Variants in RETREG1 observed in about 807,000 individuals in gnomAD.
The protein encoded by RETREG1 is reticulophagy regulator 1, also known as family with sequence similarity 134 member B.
Under a neutral mutation model 54.8 loss-of-function variants are expected in RETREG1, and 44 were observed. The ratio of observed to expected loss-of-function variants is 0.80; its 90% CI spans 0.63 to 1.03. RETREG1 has a LOEUF of 1.03. Ranked by LOEUF, RETREG1 falls within the 50% of genes least tolerant of loss-of-function variation. The pLI is 0.00. For synonymous variants in RETREG1, 217 were observed against 238.5 expected (o/e 0.91, Z 0.83); for missense variants, 554 against 605.1 (o/e 0.92, Z 0.89).
At chr5:16,497,690 G>A (rs891907410) in intron 3 of RETREG1, among the ~76,000 whole-genome samples, 11 of 152,122 alleles carry the variant, frequency 7.2e-5, no homozygotes, top group South Asian at 2.1e-4. Flanking sequence ...TCCTCATCTC[G>A]GGATAGGCAT....
At chr5:16,541,322 A>G (rs944672633) in intron 3 of RETREG1, among the ~76,000 whole-genome samples, 4 of 152,200 alleles carry the variant, frequency 2.6e-5, no homozygotes, top group African/African-American at 7.2e-5. Context: ...GTATTTTGTT[A>G]CTGCAGCCCA....
chr5:16,486,457 A>G (rs573732078), intron 3 of RETREG1, among the ~76,000 whole-genome samples: 2 of 152,348 alleles, frequency 1.3e-5, no homozygotes, highest in Middle Eastern at 6.8e-3. Flanking sequence ...TTATGTCACC[A>G]CAGTTCAATT....
At chr5:16,496,742 G>A (rs905377980) in intron 3 of RETREG1, among the ~76,000 whole-genome samples, 2 of 152,144 alleles carry the variant, frequency 1.3e-5, no homozygotes, top group South Asian at 2.1e-4. Flanking sequence ...TGGAAACAAC[G>A]GGCACAAAGA....
chr5:16,592,021 A>G (rs951988906), intron 1 of RETREG1, among the ~76,000 whole-genome samples: 3 of 152,246 alleles, frequency 2.0e-5, no homozygotes, highest in African/African-American at 7.2e-5. Context: ...CTGGACTAGA[A>G]TAGAGTCTAC....
rs1380194626 is a variant in RETREG1 at position 16,510,803 on chromosome 5, G to GAAC, written c.459-27334_459-27332dup. On this transcript the variant is annotated intron_variant, in intron 3 of 8. Transcript: ENST00000306320. ...AGAACCTGTCTCGAAAAAACAACAA[G>GAAC]AACAACAACAACAACAAAAAAAAAA... 4.7e-3 allele frequency among the ~76,000 whole-genome samples: 347 copies of GAAC among 73,490 alleles called. 34 individuals carry two copies. The highest frequency in any genetic ancestry group is 0.024 in the Middle Eastern group (3 of 124). 48.2% of individuals were successfully genotyped at this position (73,490 alleles called of 152,430 possible).
intron 3 of RETREG1, among the ~76,000 whole-genome samples, chr5:16,528,113 A>G (rs1740780509): frequency 6.6e-6 from 1 of 151,870 alleles, no homozygotes; most frequent in Non-Finnish European, 1.5e-5. Context: ...CCGGCCAGGG[A>G]CTCTTATTTT....
chr5:16,591,362 C>T (rs2447809), intron 1 of RETREG1, among the ~76,000 whole-genome samples: 20,514 of 152,110 alleles, frequency 0.13, 1,400 homozygotes, highest in Non-Finnish European at 0.16. Flanking sequence ...TAAGCAAATG[C>T]CACAGGTAAC....
chr5:16,592,631 A>G (rs953034466), intron 1 of RETREG1, among the ~76,000 whole-genome samples: 1 of 152,216 alleles, frequency 6.6e-6, no homozygotes, highest in African/African-American at 2.4e-5. Context: ...TCACAATAGC[A>G]AAGACACAGA....
intron 1 of RETREG1, among the ~76,000 whole-genome samples, chr5:16,601,865 G>T (rs779665139): frequency 1.3e-5 from 2 of 152,170 alleles, no homozygotes; most frequent in Non-Finnish European, 2.9e-5. Context: ...CTTCCAGGGA[G>T]AAAAACCAGG....
At chr5:16,573,731 G>GTTTTT (rs1454072189) in intron 1 of RETREG1, among the ~76,000 whole-genome samples, 8 of 109,816 alleles carry the variant, frequency 7.3e-5, no homozygotes, top group Non-Finnish European at 1.3e-4. Context: ...TTTTGGGTTT[G>GTTTTT]TTTGTTTTTT....
rs1020579932 is a variant in RETREG1 at position 16,585,197 on chromosome 5, G to A, written c.321-13095C>T. Among the ~76,000 whole-genome samples the A allele has an allele frequency of 1.1e-4, 17 of 152,202 alleles. No individual in the cohort carries two copies. The highest frequency in any genetic ancestry group is 2.9e-4 in the African/African-American group (12 of 41,446). ...CCTTACTCTAGGAGAAGCACATCAC[G>A]ATAATCCAGTGAATTCAGGGAATGT... On this transcript the variant is annotated intron_variant, in intron 1 of 8. Transcript: ENST00000306320. This position sits in a 1 kb window ranked among gnomAD's most constrained non-coding sequence, Gnocchi z 4.5.
chr5:16,506,934 C>A (rs1423073260), intron 3 of RETREG1, among the ~76,000 whole-genome samples: 1 of 151,970 alleles, frequency 6.6e-6, no homozygotes, highest in African/African-American at 2.4e-5. Flanking sequence ...TATTACTAAT[C>A]CTTGGTAATA....
At position 16,549,361 on chromosome 5, in the gene RETREG1, C is replaced by T. The variant is rs530244853; in HGVS notation, c.458+16402G>A. On this transcript the variant is annotated intron_variant, in intron 3 of 8. Coordinates refer to ENST00000306320, the MANE Select transcript of RETREG1 (RefSeq NM_001034850.3). ...CTCCTCAAACTGGGATCACTTCCCC[C>T]CCTATTTCCACTAGGGAAGTAGAAA... is the stretch of plus-strand genomic sequence containing the variant. Among the ~76,000 whole-genome samples, 12 of 152,284 alleles carry T rather than the reference C, an allele frequency of 7.9e-5. No individual in the cohort carries two copies. The South Asian group carries it at 2.5e-3, about 32-fold the overall frequency.
chr5:16,592,660 C>T (rs530637051), intron 1 of RETREG1, among the ~76,000 whole-genome samples: 8 of 152,054 alleles, frequency 5.3e-5, no homozygotes, highest in East Asian at 1.9e-4. Flanking sequence ...AAATGCTCAT[C>T]GATAGACTGG....
intron 3 of RETREG1, among the ~76,000 whole-genome samples, chr5:16,500,774 C>T (rs1003398427): frequency 3.9e-5 from 6 of 152,046 alleles, no homozygotes; most frequent in South Asian, 2.1e-4. Flanking sequence ...TGTTCACGCG[C>T]GTTAAAGCAA....
chr5:16,576,265 T>C (rs936483330), intron 1 of RETREG1, among the ~76,000 whole-genome samples: 1 of 151,780 alleles, frequency 6.6e-6, no homozygotes, highest in African/African-American at 2.4e-5. Flanking sequence ...TACTGCCATT[T>C]ATCTTCAAAA....
At chr5:16,575,369 G>C (rs1176409433) in intron 1 of RETREG1, among the ~76,000 whole-genome samples, 1 of 152,144 alleles carries the variant, frequency 6.6e-6, no homozygotes, top group Non-Finnish European at 1.5e-5. Context: ...TCTTTGCAGG[G>C]TCAGGCAAAG....
intron 1 of RETREG1, among the ~76,000 whole-genome samples, chr5:16,584,711 G>A (rs1334322913): frequency 2.0e-5 from 3 of 152,240 alleles, no homozygotes; most frequent in African/African-American, 7.2e-5. Context: ...TGCAAAATTA[G>A]TAACTGAAGA....
intron 3 of RETREG1, among the ~76,000 whole-genome samples, chr5:16,512,474 C>G (rs986478830): frequency 3.9e-5 from 6 of 152,116 alleles, no homozygotes; most frequent in African/African-American, 1.4e-4. Context: ...TTTTTATTCT[C>G]CTTTGCAATT....
Sources: gnomAD v4.1 joint callset for allele counts (sites outside exome capture counted in the v4.1 genomes callset) on GRCh38, gnomAD v4.1.1 for gene constraint, Gnocchi (gnomAD v3.1) non-coding constraint, MANE v1.5 for transcripts, NCBI Gene and HGNC (gene_info 2026-07-23, HGNC 2026-07-21) for gene names.